DPP6: variants seen among roughly 807,000 people sequenced by gnomAD.
The protein encoded by DPP6 is A-type potassium channel modulatory protein DPP6.
Under a neutral mutation model 122.6 loss-of-function variants are expected in DPP6, and 69 were observed. That is an observed-to-expected ratio of 0.56 (90% confidence interval 0.46 to 0.69). DPP6 has a LOEUF of 0.69. Among genes scored for constraint, DPP6 ranks in the 30% least tolerant of loss-of-function variants. The pLI, the probability that DPP6 is intolerant of heterozygous loss-of-function variation, is 0.00. For missense variants in DPP6, 928 were observed against 1,116.9 expected, an observed-to-expected ratio of 0.83 and a Z score of 2.41; for synonymous variants, 418 against 433.1, an observed-to-expected ratio of 0.97 and a Z score of 0.43.
At chr7:154,225,455 G>T (rs10276702) in intron 1 of DPP6, among the ~76,000 whole-genome samples, 1 of 151,688 alleles carries the variant, frequency 6.6e-6, no homozygotes, top group African/African-American at 2.4e-5. Context: ...CTCCAATTAC[G>T]TGTTATCCAG....
In DPP6 at chr7:154,509,291, C is replaced by T. The variant is rs142192775; in HGVS notation, c.458-31241C>T. 3.5e-4 allele frequency among the ~76,000 whole-genome samples: 54 copies of T among 152,192 alleles called. 3 individuals are homozygous for T. In the East Asian group the frequency reaches 0.01, roughly 29 times the overall value. On this transcript the variant is annotated intron_variant, in intron 3 of 25. Transcript: ENST00000377770. The stretch of plus-strand genomic sequence containing the variant: ...ATGCTTAAACCCAATAATAAAAAGA[C>T]AATTATTCCAATTTAAAAATGGGCA...
At chr7:154,168,570 C>G (rs1001479694) in intron 1 of DPP6, among the ~76,000 whole-genome samples, 5 of 152,186 alleles carry the variant, frequency 3.3e-5, no homozygotes, top group African/African-American at 1.2e-4. Flanking sequence ...TACCAGCACA[C>G]AGCAGATCTC....
At chr7:153,773,331 T>TATA in the DPP6 span, among the ~76,000 whole-genome samples, 5 of 58,354 alleles carry the variant, frequency 8.6e-5, no homozygotes, top group African/African-American at 2.6e-4. Flanking sequence ...TATATATATA[T>TATA]TTTTTTTTAA....
At chr7:154,045,201 T>TAA (rs11381417) in intron 1 of DPP6, among the ~76,000 whole-genome samples, 9,060 of 141,326 alleles carry the variant, frequency 0.064, 535 homozygotes, top group African/African-American at 0.16. Flanking sequence ...TTAGAAAAGA[T>TAA]AAAAAAAAAA....
Position 154,191,718 on chromosome 7 carries a change from C to G in DPP6, c.243+138655C>G, listed in dbSNP as rs1798625731. On this transcript the variant is annotated intron_variant, in intron 1 of 25. Coordinates refer to ENST00000377770, the MANE Select transcript of DPP6 (RefSeq NM_130797.4). ...AGGAATGCGTCGAGTCTGTTTCTAA[C>G]CAGGCTGCCTCATTACTGATATTAA... is the stretch of plus-strand genomic sequence containing the variant. Among the ~76,000 whole-genome samples, 3 of 152,190 alleles carry G rather than the reference C, an allele frequency of 2.0e-5. No individual in the cohort carries two copies. In the South Asian group the frequency reaches 6.2e-4, roughly 32 times the overall value.
In DPP6 at chr7:154,283,229, T is replaced by C. The variant is rs531931111; in HGVS notation, c.244-162985T>C. 1.9e-3 allele frequency among the ~76,000 whole-genome samples: 296 copies of C among 152,278 alleles called. 1 individual carries two copies. The highest frequency in any genetic ancestry group is 3.9e-3 in the Non-Finnish European group (262 of 68,020). Reference sequence around the variant, plus strand: ...GAGAGACAGAAGCGAGTAGAGGCTGTAAGCATGAACTCTGCAGCCACAGGG... The same window carrying C: ...GAGAGACAGAAGCGAGTAGAGGCTGCAAGCATGAACTCTGCAGCCACAGGG... On this transcript the variant is annotated intron_variant, in intron 1 of 25. Transcript: ENST00000377770.
At chr7:154,663,917 T>C (rs1837954414) in intron 6 of DPP6, among the ~76,000 whole-genome samples, 2 of 101,454 alleles carry the variant, frequency 2.0e-5, no homozygotes, top group African/African-American at 2.8e-5. Context: ...CATGGCGTAT[T>C]GGCCATAGTG....
At chr7:154,523,230 T>A (rs1331121376) in intron 3 of DPP6, among the ~76,000 whole-genome samples, 1 of 152,230 alleles carries the variant, frequency 6.6e-6, no homozygotes, top group East Asian at 1.9e-4. Context: ...TTTTCTTTTT[T>A]TTGAGACGGA....
chr7:154,797,334 A>G (rs1427371920), intron 12 of DPP6, among the ~76,000 whole-genome samples: 1 of 152,178 alleles, frequency 6.6e-6, no homozygotes, highest in Non-Finnish European at 1.5e-5. Context: ...TGTAGTATAT[A>G]TCCTGGAATA....
intron 16 of DPP6, 60 bp downstream of exon 16, chr7:154,807,172 G>A (rs1379602579): frequency 3.1e-6 from 5 of 1,588,328 alleles, no homozygotes; most frequent in East Asian, 4.5e-5. Context: ...GCAGGGAGGG[G>A]GTGGGCACAC....
chr7:154,023,320 A>ATGCG (rs1554436896), intron 1 of DPP6, among the ~76,000 whole-genome samples: 1 of 127,766 alleles, frequency 7.8e-6, no homozygotes, highest in Admixed American at 7.6e-5. Flanking sequence ...TCTTGTCTGC[A>ATGCG]CACACACACA....
chr7:154,607,335 G>A lies in DPP6; in HGVS notation c.628-30486G>A, dbSNP rs1267435181. 1.1e-4 allele frequency among the ~76,000 whole-genome samples: 13 copies of A among 117,306 alleles called. 4 individuals carry two copies. Among genetic ancestry groups the A allele is most frequent in the Non-Finnish European group, 5.7e-5 (3 of 52,600 alleles). 77.0% of individuals were successfully genotyped at this position (117,306 alleles called of 152,430 possible). A position where few individuals can be genotyped will look rare whatever the true frequency, so the allele number is the denominator to read the frequency against. ...AGCACTTTGGGAGGCCGAGGCAGGC[G>A]GATCACGAGGTTAGGAGATTGAGAC... On this transcript the variant is annotated intron_variant, in intron 5 of 25. Coordinates refer to ENST00000377770, the MANE Select transcript of DPP6 (RefSeq NM_130797.4).
At chr7:154,341,402 G>C (rs1274030608) in intron 1 of DPP6, among the ~76,000 whole-genome samples, 2 of 151,944 alleles carry the variant, frequency 1.3e-5, no homozygotes, top group Non-Finnish European at 2.9e-5. Flanking sequence ...ATTTATTCAG[G>C]TTTTAGAAAT....
chr7:154,609,630 C>T (rs1183008736), intron 5 of DPP6, among the ~76,000 whole-genome samples: 1 of 152,162 alleles, frequency 6.6e-6, no homozygotes, highest in Non-Finnish European at 1.5e-5. Flanking sequence ...CACACACATA[C>T]ATGAGCACAC....
intron 16 of DPP6, among the ~76,000 whole-genome samples, chr7:154,808,513 G>A (rs77472200): frequency 0.014 from 2,110 of 152,198 alleles, 52 homozygotes; most frequent in African/African-American, 0.048. Flanking sequence ...GAGTGCTGTA[G>A]GGGAAAGAAC....
At chr7:154,668,197 T>TTATATATTTATATATATATATA (rs1838290658) in intron 6 of DPP6, among the ~76,000 whole-genome samples, 1 of 36,476 alleles carries the variant, frequency 2.7e-5, no homozygotes, top group Non-Finnish European at 7.7e-5. Context: ...TGTGTATATT[T>TTATATATTTATATATATATATA]TATATATATA....
At chr7:154,088,022 G>T (rs1804550826) in intron 1 of DPP6, among the ~76,000 whole-genome samples, 1 of 152,078 alleles carries the variant, frequency 6.6e-6, no homozygotes, top group Non-Finnish European at 1.5e-5. Context: ...TGCTGGGATG[G>T]AGGACAGATT....
chr7:154,235,492 T>C (rs1801153757), intron 1 of DPP6, among the ~76,000 whole-genome samples: 1 of 145,442 alleles, frequency 6.9e-6, no homozygotes, highest in African/African-American at 2.7e-5. Flanking sequence ...TTTTTCTTTT[T>C]TCCTCTTACT....
intron 1 of DPP6, among the ~76,000 whole-genome samples, chr7:153,922,278 A>T (rs970651493): frequency 2.0e-5 from 3 of 152,220 alleles, no homozygotes; most frequent in Non-Finnish European, 4.4e-5. Flanking sequence ...AGGCAGGCAG[A>T]TTGCTTGAGT....
Sources: allele counts gnomAD v4.1 joint callset (sites outside exome capture counted in the v4.1 genomes callset), GRCh38; gene constraint gnomAD v4.1.1; transcripts MANE v1.5; gene names NCBI Gene and HGNC (gene_info 2026-07-23, HGNC 2026-07-21).